The following CXCL13 variants were observed in gnomAD, a reference collection of about 807,000 sequenced individuals.
CXCL13 encodes C-X-C motif chemokine ligand 13.
Under a neutral mutation model 12.2 loss-of-function variants are expected in CXCL13, and 7 were observed. The observed-to-expected ratio is 0.57, with a 90% CI of 0.33 to 1.07. The LOEUF (loss-of-function observed/expected upper bound fraction) is 1.07, where lower values mean the gene tolerates loss of function less well. CXCL13 is among the 50% of genes least tolerant of loss of function. CXCL13 has a pLI of 0.04. For synonymous variants in CXCL13, 47 were observed against 42.4 expected (o/e 1.11, Z -0.42); for missense variants, 113 against 127.4 (o/e 0.89, Z 0.55).
chr4:77,523,054 T>C (rs1032405710), intron 1 of CXCL13, among the ~76,000 whole-genome samples: 4 of 152,236 alleles, frequency 2.6e-5, no homozygotes, highest in African/African-American at 9.6e-5. Context: ...TCTTCTGGCT[T>C]GTAGAGTTTC....
chr4:77,570,331 G>A (rs758055255), intron 1 of CXCL13, among the ~76,000 whole-genome samples: 8 of 152,300 alleles, frequency 5.3e-5, no homozygotes, highest in Non-Finnish European at 1.0e-4. Context: ...TAAACAGACA[G>A]CCTACATAAT....
intron 2 of CXCL13, among the ~76,000 whole-genome samples, chr4:77,608,389 G>A (rs1229918635): frequency 4.0e-5 from 6 of 151,250 alleles, no homozygotes; most frequent in Admixed American, 2.6e-4. Context: ...GCGGTGAGCC[G>A]AGATCACGCC....
At chr4:77,569,593 G>T (rs1726016390) in intron 1 of CXCL13, among the ~76,000 whole-genome samples, 1 of 152,114 alleles carries the variant, frequency 6.6e-6, no homozygotes, top group Non-Finnish European at 1.5e-5. Context: ...TCTACAAGGA[G>T]ACCTACAAGA....
In CXCL13 at chr4:77,513,891, G is replaced by T. The variant is rs533454914; in HGVS notation, c.-43+2103G>T. On this transcript the variant is annotated intron_variant, in intron 1 of 4. Transcript: ENST00000286758. ...ACATATGTATACATGTGACATACTGGTGTGCTGCAACCACTAACTCGTCAT... is the reference window on the plus strand; with the variant it reads ...ACATATGTATACATGTGACATACTGTTGTGCTGCAACCACTAACTCGTCAT... Among the ~76,000 whole-genome samples, 4 of 151,518 alleles carry T rather than the reference G, an allele frequency of 2.6e-5. No homozygotes were observed. The South Asian group carries it at 8.3e-4, about 32-fold the overall frequency.
chr4:77,577,098 C>G (rs1013148244), intron 1 of CXCL13, among the ~76,000 whole-genome samples: 1 of 152,194 alleles, frequency 6.6e-6, no homozygotes, highest in South Asian at 2.1e-4. Flanking sequence ...TAATTCTGAG[C>G]AATTATCCTG....
intron 1 of CXCL13, among the ~76,000 whole-genome samples, chr4:77,566,061 T>G (rs1365748225): frequency 6.6e-6 from 1 of 152,192 alleles, no homozygotes; most frequent in East Asian, 1.9e-4. Flanking sequence ...TCAAGTTTCA[T>G]AGACTAATGA....
Position 77,527,437 on chromosome 4 carries a change from G to A in CXCL13, c.-43+15649G>A, listed in dbSNP as rs761256499. ...AATTGAGCTCAAGAATTCAAGACCA[G>A]CCTGGGCAACATGGTGAAACCCCAT... On this transcript the variant is annotated intron_variant, in intron 1 of 4. Transcript: ENST00000286758. Among the ~76,000 whole-genome samples the A allele has an allele frequency of 1.7e-4, 26 of 152,156 alleles. No homozygotes were observed. The South Asian group carries it at 2.3e-3, about 13-fold the overall frequency.
At chr4:77,549,081 A>T (rs926766192) in intron 1 of CXCL13, among the ~76,000 whole-genome samples, 39 of 152,188 alleles carry the variant, frequency 2.6e-4, no homozygotes, top group African/African-American at 8.9e-4. Context: ...TTCATTTCAT[A>T]CATTTGATCT....
intron 1 of CXCL13, among the ~76,000 whole-genome samples, chr4:77,540,630 A>G (rs1049896888): frequency 1.3e-5 from 2 of 152,150 alleles, no homozygotes; most frequent in Admixed American, 6.5e-5. Context: ...GTAGTACTCT[A>G]TGGTGTATAT....
intron 1 of CXCL13, among the ~76,000 whole-genome samples, chr4:77,557,864 T>A (rs1455648155): frequency 6.6e-6 from 1 of 152,208 alleles, no homozygotes; most frequent in African/African-American, 2.4e-5. Context: ...CTCACCCTGG[T>A]ATGTGTACTT....
intron 1 of CXCL13, among the ~76,000 whole-genome samples, chr4:77,557,175 C>T (rs1725679172): frequency 6.6e-6 from 1 of 152,162 alleles, no homozygotes; most frequent in Non-Finnish European, 1.5e-5. Context: ...TCATTGAATT[C>T]ATTGATTACT....
rs568127953 is a variant in CXCL13, at chr4:77,578,287, C to T, written c.-42-27537C>T. Among the ~76,000 whole-genome samples, 4 of 152,334 alleles carry T rather than the reference C, an allele frequency of 2.6e-5. No individual in the cohort carries two copies. In the South Asian group the frequency reaches 8.3e-4, roughly 32 times the overall value. ...CCAAACAGTCATGCAACTGGAGCCA[C>T]AGATGATGGCCCTGTTTGCCAGGGA... On this transcript the variant is annotated intron_variant, in intron 1 of 4. Coordinates refer to the CXCL13 transcript ENST00000286758.
At chr4:77,578,275 C>A (rs1726238915) in intron 1 of CXCL13, among the ~76,000 whole-genome samples, 1 of 152,168 alleles carries the variant, frequency 6.6e-6, no homozygotes, top group Non-Finnish European at 1.5e-5. Context: ...AACAGTCATG[C>A]AACTGGAGCC....
intron 1 of CXCL13, among the ~76,000 whole-genome samples, chr4:77,549,001 T>C (rs1397833268): frequency 1.3e-5 from 2 of 152,252 alleles, no homozygotes; most frequent in Non-Finnish European, 2.9e-5. Context: ...TCTTTTCACA[T>C]AGTCCCATAT....
chr4:77,551,961 A>G (rs996156447), intron 1 of CXCL13, among the ~76,000 whole-genome samples: 1 of 152,026 alleles, frequency 6.6e-6, no homozygotes, highest in Non-Finnish European at 1.5e-5. Flanking sequence ...TTTTTAAAAT[A>G]TTTATCTCTT....
chr4:77,571,938 G>A (rs977989669), intron 1 of CXCL13, among the ~76,000 whole-genome samples: 1 of 151,704 alleles, frequency 6.6e-6, no homozygotes, highest in African/African-American at 2.4e-5. Flanking sequence ...GCTGCCTTAA[G>A]AGCTGTAACA....
intron 1 of CXCL13, 127 bp from the exon 2 acceptor site, chr4:77,607,576 A>G (rs1727024323): frequency 1.3e-6 from 1 of 768,380 alleles, no homozygotes; most frequent in Non-Finnish European, 2.1e-6. Context: ...CTAAAGACAT[A>G]TGGGTGGAAG....
At chr4:77,535,616 T>A (rs1725040614) in intron 1 of CXCL13, among the ~76,000 whole-genome samples, 1 of 151,996 alleles carries the variant, frequency 6.6e-6, no homozygotes, top group Non-Finnish European at 1.5e-5. Flanking sequence ...TCCACCTGCT[T>A]CTTGGTGATA....
At chr4:77,610,475 A>C in intron 2 of CXCL13, 139 bp from the exon 3 acceptor site, 1 of 657,508 alleles carries the variant, frequency 1.5e-6, no homozygotes, top group South Asian at 1.9e-5. Context: ...CAAATCACCT[A>C]TTCCAGATCC....
Sources: allele counts gnomAD v4.1 joint callset (sites outside exome capture counted in the v4.1 genomes callset), GRCh38; gene constraint gnomAD v4.1.1; transcripts MANE v1.5; gene names NCBI Gene and HGNC (gene_info 2026-07-23, HGNC 2026-07-21).